Variants in TSHR observed in about 807,000 individuals in gnomAD.
The protein encoded by TSHR is thyroid stimulating hormone receptor.
A neutral mutation model predicts 64.1 loss-of-function variants in TSHR; 51 were observed. The observed-to-expected ratio is 0.80, with a 90% CI of 0.64 to 1.01. TSHR has a LOEUF of 1.01. Among genes scored for constraint, TSHR ranks in the 50% least tolerant of loss-of-function variants. TSHR has a pLI of 0.00. For missense variants in TSHR, 877 were observed against 942.8 expected (o/e 0.93, Z 0.91); for synonymous variants, 361 against 361.9 (o/e 1.00, Z 0.03).
intron 8 of TSHR, among the ~76,000 whole-genome samples, chr14:81,115,441 T>C (rs1335673137): frequency 2.1e-5 from 3 of 142,320 alleles, no homozygotes; most frequent in African/African-American, 8.6e-5. Context: ...CGATGGAAGA[T>C]GAAATGAATG....
chr14:81,050,146 C>A (rs1833681639), intron 1 of TSHR: 1 of 152,078 alleles, frequency 6.6e-6, no homozygotes, highest in Non-Finnish European at 1.5e-5. Flanking sequence ...CAGAATAACA[C>A]CCTACAATAC....
At chr14:81,011,699 C>G (rs926818569) in intron 1 of TSHR, among the ~76,000 whole-genome samples, 4 of 151,962 alleles carry the variant, frequency 2.6e-5, no homozygotes, top group African/African-American at 9.7e-5. Context: ...AATTTTTAGT[C>G]ATATGTAGTA....
chr14:81,006,918 A>G (rs879268993), intron 1 of TSHR, among the ~76,000 whole-genome samples: 1 of 152,210 alleles, frequency 6.6e-6, no homozygotes, highest in Non-Finnish European at 1.5e-5. Flanking sequence ...GCTTTACATT[A>G]GTATATTTAT....
intron 1 of TSHR, among the ~76,000 whole-genome samples, chr14:81,018,822 T>C (rs1883566986): frequency 6.6e-6 from 1 of 152,028 alleles, no homozygotes; most frequent in African/African-American, 2.4e-5. Flanking sequence ...TATGAAAAAA[T>C]GCATGCAAAA....
chr14:81,046,310 A>G (rs1281841403), intron 1 of TSHR, among the ~76,000 whole-genome samples: 1 of 152,180 alleles, frequency 6.6e-6, no homozygotes, highest in Non-Finnish European at 1.5e-5. Flanking sequence ...TCAAAAAAAT[A>G]AAAGAATGCA....
intron 1 of TSHR, chr14:80,991,409 G>A (rs1274908563): frequency 2.1e-5 from 8 of 384,106 alleles, no homozygotes; most frequent in African/African-American, 1.7e-4. Flanking sequence ...ACTCAGGTTT[G>A]TTTTAAAAGA....
chr14:81,079,424 C>T (rs1454777512), intron 3 of TSHR, among the ~76,000 whole-genome samples: 3 of 152,188 alleles, frequency 2.0e-5, no homozygotes, highest in Non-Finnish European at 4.4e-5. Flanking sequence ...GATGGTAATA[C>T]ATACCTTGCA....
chr14:81,005,748 C>T (rs1182880401), intron 1 of TSHR, among the ~76,000 whole-genome samples: 6 of 152,226 alleles, frequency 3.9e-5, no homozygotes, highest in Middle Eastern at 3.4e-3. Flanking sequence ...CTGAAGTTTT[C>T]GGGTATGACG....
chr14:81,138,643 A>T (rs10131429), intron 8 of TSHR, among the ~76,000 whole-genome samples: 1 of 152,256 alleles, frequency 6.6e-6, no homozygotes, highest in Non-Finnish European at 1.5e-5. Flanking sequence ...ATGAGCTTTA[A>T]GTTCTGACGG....
At chr14:81,029,081 C>G (rs2139817245) in intron 1 of TSHR, among the ~76,000 whole-genome samples, 1 of 151,798 alleles carries the variant, frequency 6.6e-6, no homozygotes, top group South Asian at 2.1e-4. Flanking sequence ...TTTACCAAAA[C>G]TGACATATGA....
In TSHR at chr14:81,108,799, C is replaced by T; in HGVS notation, c.692+347C>T. ...ACAACTAGATGGAAGGCACTCTAGT[C>T]TTTGCAGAAAAAAATGTACCTGAAT... On this transcript the variant is annotated intron_variant, in intron 8 of 9. Coordinates refer to ENST00000298171, the MANE Select transcript of TSHR (RefSeq NM_000369.5). 2.6e-6 allele frequency: 4 copies of T among 1,563,292 alleles called. No homozygotes were observed. In the South Asian group the frequency reaches 4.6e-5, roughly 18 times the overall value.
intron 8 of TSHR, among the ~76,000 whole-genome samples, chr14:81,123,157 A>G (rs916902602): frequency 6.6e-5 from 10 of 152,140 alleles, no homozygotes; most frequent in African/African-American, 2.2e-4. Flanking sequence ...ACTTAATTTA[A>G]TAACAAAGCC....
intron 1 of TSHR, chr14:81,012,366 G>A (rs1013325999): frequency 6.6e-6 from 1 of 151,510 alleles, no homozygotes; most frequent in South Asian, 2.1e-4. Context: ...TTGGTTCCAA[G>A]TCTTTGCTAT....
chr14:80,982,278 C>A, intron 1 of TSHR: 1 of 818,498 alleles, frequency 1.2e-6, no homozygotes, highest in Non-Finnish European at 1.9e-6. Flanking sequence ...ATGAGTCCAC[C>A]AGCTCCACAT....
chr14:81,014,805 C>T (rs1170768028), intron 1 of TSHR, among the ~76,000 whole-genome samples: 4 of 152,204 alleles, frequency 2.6e-5, no homozygotes, highest in African/African-American at 9.6e-5. Context: ...TTCCTAAATG[C>T]CTTCCAAAGC....
At position 81,075,993 on chromosome 14, in the gene TSHR, T is replaced by A. The variant is rs564307169; in HGVS notation, c.317+7665T>A. Among the ~76,000 whole-genome samples, 19 of 152,094 alleles carry A rather than the reference T, an allele frequency of 1.2e-4. 1 individual carries two copies. The South Asian group carries it at 3.9e-3, about 32-fold the overall frequency. ...AAAAATGATGAGTTCATGTCCTTTG[T>A]AGGGACATGGATGAAATTGGAAATC... On this transcript the variant is annotated intron_variant, in intron 3 of 9. Transcript: ENST00000298171.
At chr14:81,096,558 G>A in intron 6 of TSHR, 81 bp from the exon 7 acceptor site, 1 of 1,414,730 alleles carries the variant, frequency 7.1e-7, no homozygotes, top group African/African-American at 1.4e-5. Flanking sequence ...TGACACTGAA[G>A]AAATATAGTC....
chr14:81,024,398 G>T (rs11159481), intron 1 of TSHR, among the ~76,000 whole-genome samples: 27,736 of 151,810 alleles, frequency 0.18, 3,024 homozygotes, highest in Admixed American at 0.26. Context: ...ACAGGTGCAC[G>T]CCACCATGCC....
intron 1 of TSHR, among the ~76,000 whole-genome samples, chr14:81,027,873 G>A (rs1884151420): frequency 6.6e-6 from 1 of 152,116 alleles, no homozygotes; most frequent in South Asian, 2.1e-4. Context: ...TCAGGAGCGA[G>A]AGGGAAATGA....
Sources: allele counts gnomAD v4.1 joint callset (sites outside exome capture counted in the v4.1 genomes callset), GRCh38; gene constraint gnomAD v4.1.1; transcripts MANE v1.5; gene names NCBI Gene and HGNC (gene_info 2026-07-23, HGNC 2026-07-21).